ZNF600: variants seen among roughly 807,000 people sequenced by gnomAD.
ZNF600 encodes zinc finger protein 600, also known as zinc finger protein KR-ZNF1.
In ZNF600, 4 loss-of-function variants were observed where a neutral mutation model predicts 7.3. That is an observed-to-expected ratio of 0.55 (90% CI 0.27 to 1.25). The LOEUF is 1.25. Among genes scored for constraint, ZNF600 ranks in the 50% most tolerant of loss-of-function variants. The pLI, the probability that ZNF600 is intolerant of heterozygous loss-of-function variation, is 0.12. For missense variants in ZNF600, 911 were observed against 922.1 expected (o/e 0.99, Z 0.16); for synonymous variants, 290 against 308.9 (o/e 0.94, Z 0.64).
the ZNF600 span, among the ~76,000 whole-genome samples, chr19:52,822,167 G>T: frequency 7.2e-6 from 1 of 138,788 alleles, no homozygotes; most frequent in African/African-American, 2.7e-5. Context: ...CTGCCTCCTG[G>T]GTTGAAGCGA....
exon 4 of ZNF600, chr19:52,766,729 A>T: frequency 6.2e-7 from 1 of 1,613,556 alleles, no homozygotes; most frequent in Non-Finnish European, 8.5e-7. Context: ...GCCAGCTGAG[A>T]ATTCCATGTG....
chr19:52,833,145 C>G, the ZNF600 span, among the ~76,000 whole-genome samples: 1 of 152,144 alleles, frequency 6.6e-6, no homozygotes, highest in Non-Finnish European at 1.5e-5. Flanking sequence ...TATTGGTCTC[C>G]TTTTCCAGAA....
intron 3 of ZNF600, among the ~76,000 whole-genome samples, chr19:52,770,550 C>A (rs552067304): frequency 1.3e-5 from 2 of 152,166 alleles, no homozygotes; most frequent in Non-Finnish European, 2.9e-5. Flanking sequence ...TTTGTGCATT[C>A]CCCATAGTTA....
chr19:52,800,884 A>T, the ZNF600 span: 1 of 1,613,322 alleles, frequency 6.2e-7, no homozygotes, highest in Non-Finnish European at 8.5e-7. Flanking sequence ...CCTCCAGTAT[A>T]AATTATCTTA....
chr19:52,807,713 G>A, the ZNF600 span, among the ~76,000 whole-genome samples: 3 of 152,288 alleles, frequency 2.0e-5, no homozygotes, highest in African/African-American at 4.8e-5. Context: ...CACCCATAGC[G>A]ATCCACACGC....
chr19:52,817,928 G>A, the ZNF600 span: 14 of 1,609,944 alleles, frequency 8.7e-6, no homozygotes, highest in Admixed American at 8.3e-5. Flanking sequence ...GCAATCCACC[G>A]AGAATACCAT....
chr19:52,774,639 G>A (rs891578630), exon 3 of ZNF600: 25 of 985,170 alleles, frequency 2.5e-5, no homozygotes, highest in Non-Finnish European at 3.0e-5. Context: ...TCTGCGAAGG[G>A]TTCAGGCATT....
chr19:52,811,246 C>T, the ZNF600 span, among the ~76,000 whole-genome samples: 2 of 151,688 alleles, frequency 1.3e-5, no homozygotes, highest in Admixed American at 6.6e-5. Flanking sequence ...TCACTACAAC[C>T]TCCACCTCCC....
intron 1 of ZNF600, among the ~76,000 whole-genome samples, chr19:52,784,237 C>T (rs1056681937): frequency 1.3e-5 from 2 of 150,954 alleles, no homozygotes; most frequent in Non-Finnish European, 3.0e-5. Flanking sequence ...AAAAAACAAA[C>T]AAACAAAGAA....
the ZNF600 span, chr19:52,818,005 C>T: frequency 3.7e-5 from 59 of 1,609,542 alleles, no homozygotes; most frequent in East Asian, 2.0e-4. Context: ...TTCTTCCTCA[C>T]GTACCAAGAT....
At chr19:52,767,744 C>A in exon 4 of ZNF600, 2 of 1,583,812 alleles carry the variant, frequency 1.3e-6, no homozygotes, top group Non-Finnish European at 1.7e-6. Context: ...TTGACAAGAC[C>A]TCCTTCATCA....
intron 3 of ZNF600, among the ~76,000 whole-genome samples, chr19:52,767,988 C>G: frequency 6.6e-6 from 1 of 152,058 alleles, no homozygotes; most frequent in East Asian, 1.9e-4. Flanking sequence ...CCTATGTCAT[C>G]ACAAAACACT....
chr19:52,806,438 C>T, the ZNF600 span, among the ~76,000 whole-genome samples: 1 of 152,044 alleles, frequency 6.6e-6, no homozygotes, highest in South Asian at 2.1e-4. Context: ...AGGTGATATG[C>T]CCATCTCAGC....
chr19:52,823,346 T>C, the ZNF600 span, among the ~76,000 whole-genome samples: 25 of 152,168 alleles, frequency 1.6e-4, no homozygotes, highest in Admixed American at 3.3e-4. Context: ...CCTGAGTAGC[T>C]GGGATTACAG....
At chr19:52,781,762 TAA>T (rs57635477) in intron 1 of ZNF600, among the ~76,000 whole-genome samples, 5,191 of 142,454 alleles carry the variant, frequency 0.036, 177 homozygotes, top group African/African-American at 0.09. Flanking sequence ...CACTCTATCT[TAA>T]AAAAAAAAAA....
the ZNF600 span, chr19:52,799,346 A>C: frequency 1.9e-6 from 1 of 531,898 alleles, no homozygotes; most frequent in Non-Finnish European, 3.4e-6. Flanking sequence ...CATAAACCTT[A>C]CATCTGTGTG....
the ZNF600 span, among the ~76,000 whole-genome samples, chr19:52,803,183 A>G: frequency 2.6e-5 from 4 of 152,092 alleles, no homozygotes; most frequent in Non-Finnish European, 4.4e-5. Context: ...GGTTCATGTG[A>G]GTCTCTTCCT....
exon 4 of ZNF600, chr19:52,765,585 C>T (rs2062562472): frequency 6.2e-7 from 1 of 1,613,542 alleles, no homozygotes; most frequent in Non-Finnish European, 8.5e-7. Context: ...ACAATCATTA[C>T]ATTAGTCAAG....
chr19:52,817,782 G>C, the ZNF600 span, among the ~76,000 whole-genome samples: 1 of 152,102 alleles, frequency 6.6e-6, no homozygotes, highest in Non-Finnish European at 1.5e-5. Context: ...GGTCACCAGA[G>C]ATGGAATCTA....
Sources: gnomAD v4.1 joint callset for allele counts (sites outside exome capture counted in the v4.1 genomes callset) on GRCh38, gnomAD v4.1.1 for gene constraint, MANE v1.5 for transcripts, NCBI Gene and HGNC (gene_info 2026-07-23, HGNC 2026-07-21) for gene names.